Variants in WDR7 observed in about 807,000 individuals in gnomAD.
The protein encoded by WDR7 is WD repeat-containing protein 7.
A neutral mutation model predicts 169.4 loss-of-function variants in WDR7; 46 were observed. The ratio of observed to expected loss-of-function variants is 0.27; its 90% confidence interval spans 0.21 to 0.35. The LOEUF is 0.35. Ranked by LOEUF, WDR7 falls within the 10% of genes least tolerant of loss-of-function variation. The pLI, the probability that WDR7 is intolerant of heterozygous loss-of-function variation, is 1.00. For missense variants in WDR7, 1,534 were observed against 1,859.3 expected, an observed-to-expected ratio of 0.83 and a Z score of 3.22; for synonymous variants, 612 against 666.8, an observed-to-expected ratio of 0.92 and a Z score of 1.27.
chr18:56,911,626 C>T (rs2046553562), intron 21 of WDR7, among the ~76,000 whole-genome samples: 5 of 152,110 alleles, frequency 3.3e-5, no homozygotes, highest in African/African-American at 4.8e-5. Context: ...ACTGTGTATG[C>T]GTAAAGGGTT....
chr18:56,691,596 A>T, intron 8 of WDR7, 119 bp from the exon 9 acceptor site: 1 of 923,144 alleles, frequency 1.1e-6, no homozygotes, highest in African/African-American at 1.7e-5. Context: ...TGCCTGCATT[A>T]AATTAACTAT....
intron 21 of WDR7, among the ~76,000 whole-genome samples, chr18:56,909,596 TTA>T (rs1290381250): frequency 6.6e-6 from 1 of 152,166 alleles, no homozygotes. Flanking sequence ...TTGGACATTT[TTA>T]TATGTTTTAT....
chr18:56,804,686 CTG>C (rs1357970990), intron 19 of WDR7, among the ~76,000 whole-genome samples: 7 of 152,166 alleles, frequency 4.6e-5, no homozygotes, highest in Non-Finnish European at 8.8e-5. Flanking sequence ...CGCTGAGATA[CTG>C]TGTTAGACAA....
intron 20 of WDR7, among the ~76,000 whole-genome samples, chr18:56,847,251 G>T (rs988130704): frequency 3.3e-5 from 5 of 152,166 alleles, no homozygotes; most frequent in Admixed American, 6.5e-5. Flanking sequence ...CTAAGGCCCT[G>T]TGGAAGTTTG....
At chr18:56,721,975 GT>G (rs1490291386) in intron 13 of WDR7, among the ~76,000 whole-genome samples, 1 of 152,072 alleles carries the variant, frequency 6.6e-6, no homozygotes, top group Non-Finnish European at 1.5e-5. Flanking sequence ...GAATTTATTT[GT>G]TCTGTGATGT....
At chr18:56,653,525 T>G (rs551870707) in intron 1 of WDR7, among the ~76,000 whole-genome samples, 27 of 152,316 alleles carry the variant, frequency 1.8e-4, no homozygotes, top group Admixed American at 2.0e-4. Flanking sequence ...TGTTTTTTGT[T>G]TCTAATTCCC....
At chr18:56,879,241 C>A (rs940136771) in intron 20 of WDR7, among the ~76,000 whole-genome samples, 5 of 151,904 alleles carry the variant, frequency 3.3e-5, no homozygotes, top group Non-Finnish European at 5.9e-5. Flanking sequence ...TCATGCCCAA[C>A]AACAAAGCAT....
intron 20 of WDR7, among the ~76,000 whole-genome samples, chr18:56,873,087 G>A (rs2045975267): frequency 6.6e-6 from 1 of 152,152 alleles, no homozygotes; most frequent in Admixed American, 6.5e-5. Flanking sequence ...ACACTAATCA[G>A]TCAGTGTCTC....
At chr18:56,696,630 G>A (rs936716180) in intron 12 of WDR7, 168 bp downstream of exon 12, 15 of 601,922 alleles carry the variant, frequency 2.5e-5, no homozygotes, top group Non-Finnish European at 3.3e-5. Flanking sequence ...GCAAAGTTAC[G>A]GCCACTAACT....
At chr18:56,665,165 C>T (rs917856697) in intron 1 of WDR7, among the ~76,000 whole-genome samples, 4 of 151,758 alleles carry the variant, frequency 2.6e-5, no homozygotes, top group African/African-American at 4.8e-5. Flanking sequence ...TAGTAGCGGG[C>T]GCCTGTAATC....
intron 16 of WDR7, among the ~76,000 whole-genome samples, chr18:56,764,882 T>G (rs1227966203): frequency 6.6e-6 from 1 of 152,160 alleles, no homozygotes; most frequent in Non-Finnish European, 1.5e-5. Context: ...TTATTCCTTC[T>G]TGCATTTCTA....
chr18:56,736,956 T>G (rs1458050338), intron 14 of WDR7, among the ~76,000 whole-genome samples: 1 of 152,052 alleles, frequency 6.6e-6, no homozygotes, highest in Admixed American at 6.6e-5. Flanking sequence ...TACTAGAAAT[T>G]GTTTCTTTGT....
At chr18:56,914,479 T>C (rs1269879299) in intron 21 of WDR7, among the ~76,000 whole-genome samples, 1 of 152,206 alleles carries the variant, frequency 6.6e-6, no homozygotes, top group Non-Finnish European at 1.5e-5. Flanking sequence ...ATAGGATCAT[T>C]CAGCTAATAG....
intron 25 of WDR7, among the ~76,000 whole-genome samples, chr18:56,945,985 A>C (rs2047097790): frequency 6.6e-6 from 1 of 152,260 alleles, no homozygotes; most frequent in Non-Finnish European, 1.5e-5. Flanking sequence ...CCAGAGATAC[A>C]CCATGAGCTT....
chr18:56,918,518 G>GT (rs1449172781), intron 21 of WDR7, among the ~76,000 whole-genome samples: 5 of 151,728 alleles, frequency 3.3e-5, no homozygotes, highest in Admixed American at 2.6e-4. Flanking sequence ...TTTTTATTTT[G>GT]TTTTTTATAA....
chr18:56,973,017 C>T (rs764263874), intron 26 of WDR7, among the ~76,000 whole-genome samples: 5 of 152,148 alleles, frequency 3.3e-5, no homozygotes, highest in Non-Finnish European at 5.9e-5. Context: ...GTGTGTGCCG[C>T]CATGCCCAGC....
chr18:56,672,976 TTTAAAACAC>T (rs1165386062), intron 2 of WDR7, among the ~76,000 whole-genome samples: 1 of 152,164 alleles, frequency 6.6e-6, no homozygotes, highest in East Asian at 1.9e-4. Context: ...TTTTAGAAAA[TTTAAAACAC>T]TTAAAACCTT....
intron 16 of WDR7, among the ~76,000 whole-genome samples, chr18:56,775,544 A>G (rs1216124642): frequency 6.6e-6 from 1 of 152,182 alleles, no homozygotes; most frequent in Non-Finnish European, 1.5e-5. Flanking sequence ...TCATAAGTAT[A>G]ACATTGTAAA....
intron 16 of WDR7, among the ~76,000 whole-genome samples, chr18:56,775,415 T>G (rs2044227084): frequency 6.6e-6 from 1 of 152,134 alleles, no homozygotes; most frequent in African/African-American, 2.4e-5. Flanking sequence ...AATTTGTAAT[T>G]AAAAATGATA....
Sources: gnomAD v4.1 joint callset for allele counts (sites outside exome capture counted in the v4.1 genomes callset) on GRCh38, gnomAD v4.1.1 for gene constraint, MANE v1.5 for transcripts, NCBI Gene and HGNC (gene_info 2026-07-23, HGNC 2026-07-21) for gene names.